Variants in JPT1 observed in about 807,000 individuals in gnomAD.
The protein encoded by JPT1 is androgen-regulated protein 2.
In JPT1, 5 loss-of-function variants were observed where a neutral mutation model predicts 17.0. That is an observed-to-expected ratio of 0.29 (90% CI 0.15 to 0.62). The LOEUF is 0.62. JPT1 is among the 20% of genes least tolerant of loss of function. The probability of loss-of-function intolerance (pLI) is 0.85; values close to 1 mark genes in which losing one functional copy is unlikely to be tolerated. For synonymous variants in JPT1, 71 were observed against 73.6 expected, an observed-to-expected ratio of 0.96 and a Z score of 0.18; for missense variants, 158 against 188.1, an observed-to-expected ratio of 0.84 and a Z score of 0.94.
intron 4 of JPT1, among the ~76,000 whole-genome samples, chr17:75,144,270 T>C (rs903746270): frequency 1.3e-5 from 2 of 152,046 alleles, no homozygotes; most frequent in Admixed American, 6.6e-5. Context: ...GCCTGTAATC[T>C]CAATACTTTT....
At position 75,147,540 on chromosome 17, in the gene JPT1, A is replaced by T. The variant is rs1271138974; in HGVS notation, c.297+16T>A. The T allele has an allele frequency of 6.3e-7, 1 of 1,579,608 alleles. No homozygotes were observed. The highest frequency in any genetic ancestry group is 8.7e-7 in the Non-Finnish European group (1 of 1,148,798). ...TTGACCTGAAAGCCTTTCTGGCCTCATGCTGTCACACTGACCTTCAGATCT... is the reference window on the plus strand; with the variant it reads ...TTGACCTGAAAGCCTTTCTGGCCTCTTGCTGTCACACTGACCTTCAGATCT... On this transcript the variant is annotated intron_variant, in intron 3 of 4. Coordinates refer to ENST00000409753, the MANE Select transcript of JPT1 (RefSeq NM_016185.4).
chr17:75,139,096 A>G (rs888880800), intron 4 of JPT1, among the ~76,000 whole-genome samples: 1 of 152,230 alleles, frequency 6.6e-6, no homozygotes, highest in Non-Finnish European at 1.5e-5. Context: ...TCCTACAATA[A>G]GTGTCCCTGA....
At chr17:75,150,860 T>TTTTTTTTTGTTTTG (rs1555652362) in intron 1 of JPT1, among the ~76,000 whole-genome samples, 5 of 140,064 alleles carry the variant, frequency 3.6e-5, no homozygotes, top group African/African-American at 1.3e-4. Flanking sequence ...TTTTTTTTTT[T>TTTTTTTTTGTTTTG]TTTTTTTTTT....
intron 1 of JPT1, chr17:75,149,228 T>C (rs879109986): frequency 1.5e-5 from 6 of 394,732 alleles, no homozygotes; most frequent in South Asian, 1.2e-4. Context: ...TAGTGGCGCA[T>C]GCCTGTGGTC....
chr17:75,147,403 GAT>G, intron 3 of JPT1, 151 bp downstream of exon 3: 2 of 587,552 alleles, frequency 3.4e-6, no homozygotes, highest in South Asian at 4.3e-5. Context: ...ACACTTCTAT[GAT>G]TTTACTATCA....
In JPT1 at chr17:75,136,026, TAC is replaced by T; in HGVS notation, c.*74_*75del. 6.2e-7 allele frequency: 1 copy of T among 1,612,422 alleles called. No individual in the cohort carries two copies. The highest frequency in any genetic ancestry group is 8.5e-7 in the Non-Finnish European group (1 of 1,179,614). Reference sequence around the variant, plus strand: ...TTTAATGAAACAAATCCAAGAGATGTACAGTCAGGCTCAAGTTGTGCAGTTCA... The same window carrying T: ...TTTAATGAAACAAATCCAAGAGATGTAGTCAGGCTCAAGTTGTGCAGTTCA... On this transcript the variant is annotated 3_prime_UTR_variant, in exon 5 of 5. Coordinates refer to ENST00000409753, the MANE Select transcript of JPT1 (RefSeq NM_016185.4).
intron 1 of JPT1, among the ~76,000 whole-genome samples, chr17:75,151,226 C>T (rs1032166574): frequency 1.3e-5 from 2 of 151,960 alleles, no homozygotes; most frequent in South Asian, 4.2e-4. Context: ...CCAGCTACTC[C>T]GGAGGCTGAG....
Position 75,151,396 on chromosome 17 carries a change from G to A in JPT1, c.57-2725C>T, listed in dbSNP as rs148127581. ...ATTAAGGTCAGGAGCGGTGGCTCAT[G>A]CCTGTAATCCTAGCACTTTGAGAAG... On this transcript the variant is annotated intron_variant, in intron 1 of 4. Transcript: ENST00000409753. Among the ~76,000 whole-genome samples, 859 of 152,120 alleles carry A rather than the reference G, an allele frequency of 5.6e-3. 7 individuals are homozygous for A. Among genetic ancestry groups the A allele is most frequent in the African/African-American group, 0.019 (807 of 41,532 alleles).
intron 1 of JPT1, among the ~76,000 whole-genome samples, chr17:75,151,178 G>C (rs1025851543): frequency 7.8e-4 from 119 of 151,976 alleles, no homozygotes; most frequent in Admixed American, 5.4e-3. Flanking sequence ...AGAATATTTA[G>C]CACTTCTATC....
chr17:75,142,608 GGGGAGAGA>G lies in JPT1; in HGVS notation c.316+4050_316+4057del. ...GGGAGAGGGAGGGAGGGAGGGGAAG[GGGGAGAGA>G]GGAGGGGAGGGAGGGGAGGGAGGGG... On this transcript the variant is annotated intron_variant, in intron 4 of 4. Coordinates refer to ENST00000409753, the MANE Select transcript of JPT1 (RefSeq NM_016185.4). 2.2e-5 allele frequency: 5 copies of G among 230,992 alleles called. 1 individual carries two copies. Among genetic ancestry groups the G allele is most frequent in the South Asian group, 8.9e-5 (4 of 44,924 alleles). The allele number at this position is 230,992 out of a possible 1,614,324, so 14.3% of individuals were successfully genotyped here.
intron 3 of JPT1, 122 bp downstream of exon 3, chr17:75,147,434 G>C: frequency 1.5e-6 from 1 of 659,536 alleles, no homozygotes; most frequent in South Asian, 1.7e-5. Context: ...TTATCAATAT[G>C]GCCCAGTCCC....
chr17:75,151,002 C>A (rs932538958), intron 1 of JPT1, among the ~76,000 whole-genome samples: 2 of 151,694 alleles, frequency 1.3e-5, no homozygotes, highest in Non-Finnish European at 2.9e-5. Flanking sequence ...TACAGGCGCC[C>A]GCCGGAACGC....
intron 1 of JPT1, among the ~76,000 whole-genome samples, chr17:75,151,576 C>T (rs941437241): frequency 2.6e-5 from 4 of 151,898 alleles, no homozygotes; most frequent in Non-Finnish European, 4.4e-5. Context: ...GCAGAAGAAT[C>T]GCTTGAACCC....
chr17:75,149,086 C>G (rs1465659704), intron 1 of JPT1: 3 of 1,267,224 alleles, frequency 2.4e-6, no homozygotes, highest in Non-Finnish European at 3.1e-6. Flanking sequence ...CACAGTGGCA[C>G]ACACCTGTAA....
chr17:75,154,234 A>T, intron 1 of JPT1, 108 bp downstream of exon 1: 1 of 786,424 alleles, frequency 1.3e-6, no homozygotes. Flanking sequence ...CGGCGCGAGC[A>T]CAGCGCACGG....
At chr17:75,142,675 C>CGGGAAGGGATGAGAAGGGAGGGGAG in intron 4 of JPT1, 1 of 299,602 alleles carries the variant, frequency 3.3e-6, no homozygotes, top group Non-Finnish European at 6.3e-6. Flanking sequence ...AGGAAGGGAA[C>CGGGAAGGGATGAGAAGGGAGGGGAG]GGGAAGGGAT....
rs60118585 is a variant in JPT1, at chr17:75,137,685, CTT to C, written c.317-1437_317-1436del. ...TCACCCTTCACACAGCCTAGTTTTC[CTT>C]TTTTTTTTTTTTTTTTTTTTTTTTT... On this transcript the variant is annotated intron_variant, in intron 4 of 4. Coordinates refer to ENST00000409753, the MANE Select transcript of JPT1 (RefSeq NM_016185.4). Among the ~76,000 whole-genome samples, 109 of 112,816 alleles carry C rather than the reference CTT, an allele frequency of 9.7e-4. 1 individual carries two copies. The highest frequency in any genetic ancestry group is 4.8e-3 in the African/African-American group (100 of 20,718). The allele number at this position is 112,816 out of a possible 152,430, so 74.0% of individuals were successfully genotyped here. A position where few individuals can be genotyped will look rare whatever the true frequency, so the allele number is the denominator to read the frequency against.
intron 4 of JPT1, among the ~76,000 whole-genome samples, chr17:75,143,232 TGTCA>T (rs1174820380): frequency 2.0e-5 from 3 of 152,150 alleles, no homozygotes; most frequent in Non-Finnish European, 4.4e-5. Flanking sequence ...TCTGTACAGT[TGTCA>T]ATCATGCTTA....
intron 1 of JPT1, among the ~76,000 whole-genome samples, chr17:75,150,487 A>G (rs2074527362): frequency 1.3e-5 from 2 of 152,132 alleles, no homozygotes; most frequent in South Asian, 4.1e-4. Context: ...TCCTGACCTC[A>G]GGTGATCCAC....
Sources: gnomAD v4.1 joint callset for allele counts (sites outside exome capture counted in the v4.1 genomes callset) on GRCh38, gnomAD v4.1.1 for gene constraint, MANE v1.5 for transcripts, NCBI Gene and HGNC (gene_info 2026-07-23, HGNC 2026-07-21) for gene names.